Variants in NUMA1 observed in about 807,000 individuals in gnomAD.
NUMA1 encodes the protein nuclear mitotic apparatus protein 1, also known as SP-H antigen.
NUMA1 carries 62 observed loss-of-function variants against 237.1 expected under a neutral mutation model. The ratio of observed to expected loss-of-function variants is 0.26; its 90% CI spans 0.21 to 0.32. NUMA1 has a LOEUF of 0.32. NUMA1 is among the 10% of genes least tolerant of loss of function. The pLI is 1.00. For synonymous variants in NUMA1, 1,028 were observed against 1,066.1 expected, an observed-to-expected ratio of 0.96 and a Z score of 0.70; for missense variants, 2,533 against 2,666.5, an observed-to-expected ratio of 0.95 and a Z score of 1.10.
Position 72,040,489 on chromosome 11 carries a change from CACACACACACACACACACACACTG to C in NUMA1, c.-32-4538_-32-4515del, listed in dbSNP as rs1351596127. ...ACACACACACACACACACACACACA[CACACACACACACACACACACACTG>C]ACCTGGGCCCCCCACCACTATATTC... On this transcript the variant is annotated intron_variant, in intron 2 of 26. Coordinates refer to ENST00000393695, the MANE Select transcript of NUMA1 (RefSeq NM_006185.4). 15 of 148,684 alleles carry C rather than the reference CACACACACACACACACACACACTG, an allele frequency of 1.0e-4. No individual in the cohort carries two copies. The South Asian group carries it at 1.7e-3, about 17-fold the overall frequency. 9.2% of individuals were successfully genotyped at this position (148,684 alleles called of 1,614,324 possible). A position where few individuals can be genotyped will look rare whatever the true frequency, so the allele number is the denominator to read the frequency against.
intron 5 of NUMA1, 62 bp from the exon 6 acceptor site, chr11:72,023,209 G>A: frequency 1.6e-6 from 2 of 1,235,602 alleles, no homozygotes; most frequent in South Asian, 2.4e-5. Context: ...TGAGATCCCA[G>A]AACACTGAAA....
chr11:72,063,945 A>G (rs1943085601), intron 2 of NUMA1, among the ~76,000 whole-genome samples: 1 of 151,388 alleles, frequency 6.6e-6, no homozygotes, highest in East Asian at 1.9e-4. Context: ...AAAAGAAACA[A>G]AAAGAATTAA....
At chr11:72,033,253 C>T (rs1337375813) in intron 3 of NUMA1, among the ~76,000 whole-genome samples, 12 of 152,108 alleles carry the variant, frequency 7.9e-5, no homozygotes, top group African/African-American at 1.9e-4. Context: ...CTCAAACTCC[C>T]GGGCTCAAGC....
intron 2 of NUMA1, among the ~76,000 whole-genome samples, chr11:72,069,303 G>C (rs1005926462): frequency 3.3e-5 from 5 of 152,102 alleles, no homozygotes; most frequent in African/African-American, 1.2e-4. Context: ...AGTCCATTGA[G>C]GTTAGGCAAT....
Position 72,009,367 on chromosome 11 carries a change from G to A in NUMA1, c.4740C>T (p.Gly1580=), listed in dbSNP as rs373783724. The A allele has an allele frequency of 4.2e-5, 68 of 1,609,270 alleles. No homozygotes were observed. The highest frequency in any genetic ancestry group is 4.8e-5 in the Non-Finnish European group (57 of 1,179,394). ...QKLKAVQAQG[G]ESQQEAQRLQ... ...GGCGCTGGGCCTCCTGCTGGCTCTC[G>A]CCTCCCTGAGCCTGGACAGCCTGAG... The change falls in exon 18 of 27, where the codon GGC becomes GGT. Residue 1580 remains glycine (G), a synonymous_variant. Coordinates refer to ENST00000393695, the MANE Select transcript of NUMA1 (RefSeq NM_006185.4).
chr11:72,008,152 C>T (rs1249904826), intron 20 of NUMA1: 1 of 478,092 alleles, frequency 2.1e-6, no homozygotes, highest in African/African-American at 2.0e-5. Context: ...ATGTCTAGCA[C>T]AAAATAAGTA....
intron 4 of NUMA1, among the ~76,000 whole-genome samples, chr11:72,028,654 A>G (rs1939897540): frequency 6.6e-6 from 1 of 152,138 alleles, no homozygotes; most frequent in African/African-American, 2.4e-5. Flanking sequence ...ATGCTCATGG[A>G]CCTCAGAAAT....
intron 2 of NUMA1, among the ~76,000 whole-genome samples, chr11:72,057,651 T>G (rs1310781614): frequency 7.0e-6 from 1 of 142,754 alleles, no homozygotes; most frequent in African/African-American, 2.6e-5. Context: ...GGCTGAGGCA[T>G]GAGAATTGCT....
Position 72,015,005 on chromosome 11 carries a change from T to C in NUMA1, c.2498A>G (p.Glu833Gly), listed in dbSNP as rs1201063891. ...TTCCTCCTTCAAAGTCATCAGCTGT[T>C]CCTGGAACATGGCGCCATACTGTGC... ...EEAQYGAMFQ[E>G]QLMTLKEECE... Residue 833 changes from glutamate (E) to glycine (G), a missense_variant, in exon 15 of 27, where the codon GAA (glutamate) becomes GGA (glycine). By Grantham distance (98) the Glu-to-Gly change is moderately conservative. Coordinates refer to ENST00000393695, the MANE Select transcript of NUMA1 (RefSeq NM_006185.4). The surrounding 1 kb of genome is among the most constrained non-coding windows in gnomAD (Gnocchi z 4.0). 2.5e-6 allele frequency: 4 copies of C among 1,614,110 alleles called. No individual in the cohort carries two copies. In the Admixed American group the frequency reaches 6.7e-5, roughly 27 times the overall value.
chr11:72,016,578 A>T lies in NUMA1; in HGVS notation c.1120-48T>A, dbSNP rs556671083. On this transcript the variant is annotated intron_variant, in intron 13 of 26. Transcript: ENST00000393695. The stretch of plus-strand genomic sequence containing the variant: ...TGAACAGAGAGGGGGAACAGGCACC[A>T]GATTACCACACAAGCCCTCATAAAC... 20 of 1,597,354 alleles carry T rather than the reference A, an allele frequency of 1.3e-5. No individual in the cohort carries two copies. The Admixed American group carries it at 2.7e-4, about 22-fold the overall frequency.
At chr11:72,033,145 A>G (rs1370930557) in intron 3 of NUMA1, among the ~76,000 whole-genome samples, 1 of 152,102 alleles carries the variant, frequency 6.6e-6, no homozygotes, top group Non-Finnish European at 1.5e-5. Flanking sequence ...AACATTCTCT[A>G]TACTATATTT....
chr11:72,073,584 A>G (rs1943566433), intron 1 of NUMA1, among the ~76,000 whole-genome samples: 1 of 152,150 alleles, frequency 6.6e-6, no homozygotes, highest in South Asian at 2.1e-4. Flanking sequence ...GAACAAGAAA[A>G]CTTTTTTCAA....
At chr11:72,054,204 G>A (rs1337521620) in intron 2 of NUMA1, among the ~76,000 whole-genome samples, 4 of 151,956 alleles carry the variant, frequency 2.6e-5, no homozygotes, top group East Asian at 1.9e-4. Flanking sequence ...GGTGGCTCAC[G>A]TTTGTAATCC....
At chr11:72,005,432 G>A in intron 22 of NUMA1, 63 bp from the exon 23 acceptor site, 1 of 1,544,488 alleles carries the variant, frequency 6.5e-7, no homozygotes, top group Non-Finnish European at 8.8e-7. Flanking sequence ...TCCTGGCCCT[G>A]GCATCTTGCC....
Position 72,047,524 on chromosome 11 carries a change from G to C in NUMA1, c.-32-11549C>G, listed in dbSNP as rs75926116. 6.7e-3 allele frequency among the ~76,000 whole-genome samples: 1,016 copies of C among 152,076 alleles called. 12 individuals are homozygous for C. Among genetic ancestry groups the C allele is most frequent in the African/African-American group, 0.023 (961 of 41,486 alleles). On this transcript the variant is annotated intron_variant, in intron 2 of 26. Coordinates refer to ENST00000393695, the MANE Select transcript of NUMA1 (RefSeq NM_006185.4). Reference sequence around the variant, plus strand: ...AAACAAAAACAAATAAGTACTAGGAGAGTTCAAGTCCCCAGTCATCCCCAT... The same window carrying C: ...AAACAAAAACAAATAAGTACTAGGACAGTTCAAGTCCCCAGTCATCCCCAT...
chr11:72,040,224 C>T (rs1941500151), intron 2 of NUMA1, among the ~76,000 whole-genome samples: 2 of 152,048 alleles, frequency 1.3e-5, no homozygotes, highest in Non-Finnish European at 2.9e-5. Flanking sequence ...TCTTTGTAGC[C>T]TAGAGTTTGG....
intron 4 of NUMA1, 69 bp from the exon 5 acceptor site, chr11:72,024,422 A>G (rs1426765205): frequency 4.5e-6 from 6 of 1,324,478 alleles, no homozygotes; most frequent in Non-Finnish European, 6.5e-6. Flanking sequence ...TGCATTTCAT[A>G]GTACCTCCCC....
chr11:72,012,283 G>GC, intron 16 of NUMA1, 118 bp downstream of exon 16: 1 of 954,466 alleles, frequency 1.0e-6, no homozygotes, highest in Non-Finnish European at 1.7e-6. Flanking sequence ...GCTTGACCCT[G>GC]CCCCCTTCAC....
At chr11:72,007,546 G>T in intron 20 of NUMA1, 111 bp from the exon 21 acceptor site, 1 of 1,335,564 alleles carries the variant, frequency 7.5e-7, no homozygotes, top group Non-Finnish European at 1.0e-6. Context: ...ATGAGGTCAA[G>T]CAGCCCATCT....
Sources: gnomAD v4.1 joint callset for allele counts (sites outside exome capture counted in the v4.1 genomes callset) on GRCh38, gnomAD v4.1.1 for gene constraint, Gnocchi (gnomAD v3.1) non-coding constraint, MANE v1.5 for transcripts, NCBI Gene and HGNC (gene_info 2026-07-23, HGNC 2026-07-21) for gene names.